CD200: variants seen among roughly 807,000 people sequenced by gnomAD.
The protein encoded by CD200 is CD200 molecule, also known as OX-2 membrane glycoprotein.
CD200 carries 15 observed loss-of-function variants against 30.9 expected under a neutral mutation model. That is an observed-to-expected ratio of 0.49 (90% CI 0.32 to 0.75). The LOEUF (loss-of-function observed/expected upper bound fraction) is 0.75. Among genes scored for constraint, CD200 ranks in the 30% least tolerant of loss-of-function variants. The probability of loss-of-function intolerance (pLI) is 0.03; values close to 1 mark genes in which losing one functional copy is unlikely to be tolerated. For synonymous variants in CD200, 134 were observed against 126.2 expected, an observed-to-expected ratio of 1.06 and a Z score of -0.41; for missense variants, 262 against 324.2, an observed-to-expected ratio of 0.81 and a Z score of 1.47.
intron 5 of CD200, among the ~76,000 whole-genome samples, chr3:112,360,955 G>C (rs547530171): frequency 6.6e-6 from 1 of 152,278 alleles, no homozygotes; most frequent in South Asian, 2.1e-4. Flanking sequence ...GTAGTCTTAG[G>C]TGATTTTCTA....
chr3:112,358,837 C>T (rs62264131), intron 5 of CD200, among the ~76,000 whole-genome samples: 33,804 of 152,030 alleles, frequency 0.22, 3,953 homozygotes, highest in Non-Finnish European at 0.26. Context: ...ACTTATCTTA[C>T]TATTTTTGTT....
chr3:112,333,516 C>A (rs1418937275), intron 1 of CD200: 1 of 985,326 alleles, frequency 1.0e-6, no homozygotes, highest in Non-Finnish European at 1.2e-6. Flanking sequence ...GGCTCTTGAT[C>A]CGCGCTGACG....
At chr3:112,350,200 T>C (rs906135957) in intron 5 of CD200, among the ~76,000 whole-genome samples, 1 of 152,186 alleles carries the variant, frequency 6.6e-6, no homozygotes, top group African/African-American at 2.4e-5. Context: ...AATTGTCCAA[T>C]TATGATCACT....
At chr3:112,349,379 AC>A (rs1244956683) in intron 4 of CD200, among the ~76,000 whole-genome samples, 1 of 152,170 alleles carries the variant, frequency 6.6e-6, no homozygotes, top group Non-Finnish European at 1.5e-5. Flanking sequence ...CAGACTTTCA[AC>A]CAAACCTTGG....
rs146879658 is a variant in CD200, at chr3:112,358,219, G to A, written c.803-3324G>A. Among the ~76,000 whole-genome samples, 410 of 152,332 alleles carry A rather than the reference G, an allele frequency of 2.7e-3. 1 individual carries two copies. Among genetic ancestry groups the A allele is most frequent in the Middle Eastern group, 0.014 (4 of 294 alleles). On this transcript the variant is annotated intron_variant, in intron 5 of 5. Transcript: ENST00000315711. ...CAGAGAAAACCCATGCAGACTTGGGGAGGATGTGCTAACTCCCACACAGTG... is the reference window on the plus strand; with the variant it reads ...CAGAGAAAACCCATGCAGACTTGGGAAGGATGTGCTAACTCCCACACAGTG...
intron 5 of CD200, among the ~76,000 whole-genome samples, chr3:112,350,714 AG>A: frequency 6.6e-6 from 1 of 152,370 alleles, no homozygotes; most frequent in Middle Eastern, 3.4e-3. Flanking sequence ...GATAGGGGTC[AG>A]GAAAGAAAAA....
chr3:112,333,600 T>A, intron 1 of CD200: 1 of 985,416 alleles, frequency 1.0e-6, no homozygotes, highest in South Asian at 4.7e-5. Context: ...AGGCACAGCC[T>A]ATTTTAAACT....
chr3:112,335,297 A>C (rs528325450), intron 1 of CD200, among the ~76,000 whole-genome samples: 1 of 152,330 alleles, frequency 6.6e-6, no homozygotes, highest in Non-Finnish European at 1.5e-5. Context: ...GTATTCAGGC[A>C]GCTGAACCAT....
chr3:112,337,792 G>T (rs2081152209), intron 1 of CD200, among the ~76,000 whole-genome samples: 1 of 152,084 alleles, frequency 6.6e-6, no homozygotes. Flanking sequence ...GACCCATGGG[G>T]GCTTTGTTCC....
chr3:112,333,183 G>C lies in CD200; in HGVS notation c.-30G>C. The C allele has an allele frequency of 6.5e-7, 1 of 1,549,196 alleles. No individual in the cohort carries two copies. Among genetic ancestry groups the C allele is most frequent in the Non-Finnish European group, 8.7e-7 (1 of 1,146,530 alleles). ...AGCTCCAGGCGCACATCCGCAGTCA[G>C]CCACCTCGCGCGCGCCTCCAGGAGC... On this transcript the variant is annotated 5_prime_UTR_variant, in exon 1 of 6. Transcript: ENST00000315711.
chr3:112,339,680 A>T (rs968119485), intron 1 of CD200, among the ~76,000 whole-genome samples: 3 of 152,214 alleles, frequency 2.0e-5, no homozygotes, highest in African/African-American at 7.2e-5. Flanking sequence ...TAAAACAGAG[A>T]TGGATTGATA....
Position 112,347,914 on chromosome 3 carries a change from G to A in CD200, c.694+84G>A, listed in dbSNP as rs571826252. 144 of 1,226,008 alleles carry A rather than the reference G, an allele frequency of 1.2e-4. No individual in the cohort carries two copies. The East Asian group carries it at 3.3e-3, about 28-fold the overall frequency. The allele number at this position is 1,226,008 out of a possible 1,614,324, so 75.9% of individuals were successfully genotyped here. On this transcript the variant is annotated intron_variant, in intron 4 of 5. Coordinates refer to ENST00000315711, the MANE Select transcript of CD200 (RefSeq NM_005944.7). ...AGTGAATGTCCTGCAGAGGTTTTCA[G>A]CCTCTTAGCATAATCTATTTGGAGA...
intron 1 of CD200, among the ~76,000 whole-genome samples, chr3:112,339,418 G>A (rs964670906): frequency 1.3e-5 from 2 of 152,168 alleles, no homozygotes; most frequent in Admixed American, 6.5e-5. Context: ...TAGCTTTTCT[G>A]GCTCAGGGAG....
chr3:112,357,189 A>G (rs1461299912), intron 5 of CD200, among the ~76,000 whole-genome samples: 3 of 151,196 alleles, frequency 2.0e-5, no homozygotes, highest in East Asian at 2.0e-4. Flanking sequence ...TGAACCCGGA[A>G]AGCGGAGCTT....
intron 1 of CD200, among the ~76,000 whole-genome samples, chr3:112,337,100 G>A (rs1408620826): frequency 2.0e-5 from 3 of 151,958 alleles, no homozygotes; most frequent in East Asian, 1.9e-4. Flanking sequence ...CTCAAGGTGT[G>A]GGGTATATGG....
At chr3:112,341,073 T>C (rs2081228746) in intron 2 of CD200, 90 bp downstream of exon 2, 1 of 802,406 alleles carries the variant, frequency 1.2e-6, no homozygotes. Context: ...GCTGTGCTGG[T>C]TCCATTTGTC....
intron 5 of CD200, among the ~76,000 whole-genome samples, chr3:112,351,569 C>T (rs1357738354): frequency 1.3e-5 from 2 of 152,160 alleles, no homozygotes; most frequent in East Asian, 3.8e-4. Context: ...CAAGTTTTTC[C>T]TCACTTATGA....
In CD200 at chr3:112,347,843, G is replaced by T; in HGVS notation, c.694+13G>T. On this transcript the variant is annotated intron_variant, in intron 4 of 5. Coordinates refer to ENST00000315711, the MANE Select transcript of CD200 (RefSeq NM_005944.7). ...ACCGTCAACAAAGGTAAGAGAAAGT[G>T]AGCAAGGTGGCTGTGGTTGTGTCTG... 1 of 1,609,272 alleles carries T rather than the reference G, an allele frequency of 6.2e-7. No homozygotes were observed. Among genetic ancestry groups the T allele is most frequent in the South Asian group, 1.1e-5 (1 of 90,624 alleles).
upstream of CD200, chr3:112,333,024 A>G: frequency 1.4e-6 from 1 of 724,790 alleles, no homozygotes. Flanking sequence ...ACATCATTTA[A>G]TTCCCCCCAC....
Sources: allele counts gnomAD v4.1 joint callset (sites outside exome capture counted in the v4.1 genomes callset), GRCh38; gene constraint gnomAD v4.1.1; transcripts MANE v1.5; gene names NCBI Gene and HGNC (gene_info 2026-07-23, HGNC 2026-07-21).